The following MFAP3L variants were observed in gnomAD, a reference collection of about 807,000 sequenced individuals.
MFAP3L encodes microfibrillar-associated protein 3-like.
A neutral mutation model predicts 20.0 loss-of-function variants in MFAP3L; 5 were observed. The ratio of observed to expected loss-of-function variants is 0.25; its 90% confidence interval spans 0.13 to 0.53. The LOEUF is 0.53. Among genes scored for constraint, MFAP3L ranks in the 20% least tolerant of loss-of-function variants. The pLI is 0.96. For missense variants in MFAP3L, 409 were observed against 527.5 expected (o/e 0.78, Z 2.20); for synonymous variants, 219 against 213.0 (o/e 1.03, Z -0.25).
At position 169,991,208 on chromosome 4, in the gene MFAP3L, A is replaced by G. The variant is rs1202678540; in HGVS notation, c.*170T>C. On this transcript the variant is annotated 3_prime_UTR_variant, in exon 3 of 3. Transcript: ENST00000361618. This position sits in a 1 kb window ranked among gnomAD's most constrained non-coding sequence, Gnocchi z 4.9. The stretch of plus-strand genomic sequence containing the variant: ...TTCTCGCACCCTTCTCTACTGGGGA[A>G]ATTCCAGTCCCATTCACTGCAGGCA... 7.4e-6 allele frequency: 5 copies of G among 676,266 alleles called. No individual in the cohort carries two copies. The highest frequency in any genetic ancestry group is 1.2e-5 in the Non-Finnish European group (5 of 405,684). 41.9% of individuals were successfully genotyped at this position (676,266 alleles called of 1,614,324 possible).
At chr4:170,016,353 T>A (rs1739700651) in intron 1 of MFAP3L, among the ~76,000 whole-genome samples, 1 of 152,188 alleles carries the variant, frequency 6.6e-6, no homozygotes, top group Non-Finnish European at 1.5e-5. Context: ...CTGCTAATCC[T>A]GAAATGGGTA....
At position 169,988,542 on chromosome 4, in the gene MFAP3L, T is replaced by C. The variant is rs1234198337; in HGVS notation, c.*2836A>G. On this transcript the variant is annotated 3_prime_UTR_variant, in exon 3 of 3. Coordinates refer to ENST00000361618, the MANE Select transcript of MFAP3L (RefSeq NM_021647.8). Reference sequence around the variant, plus strand: ...TGAGTCCAATGTGCACGAGTGTGTATGCACACACGTTCAGTCACACTCGCA... The same window carrying C: ...TGAGTCCAATGTGCACGAGTGTGTACGCACACACGTTCAGTCACACTCGCA... 1 of 152,248 alleles carries C rather than the reference T, an allele frequency of 6.6e-6. No homozygotes were observed. Among genetic ancestry groups the C allele is most frequent in the Non-Finnish European group, 1.5e-5 (1 of 68,048 alleles). The allele number at this position is 152,248 out of a possible 1,614,324, so 9.4% of individuals were successfully genotyped here.
At chr4:170,015,821 G>A (rs1213606782) in intron 1 of MFAP3L, among the ~76,000 whole-genome samples, 2 of 152,176 alleles carry the variant, frequency 1.3e-5, no homozygotes, top group African/African-American at 2.4e-5. Flanking sequence ...TGGACTAAGA[G>A]TGGGTGGTGA....
Position 169,988,371 on chromosome 4 carries a change from T to C in MFAP3L, c.*3007A>G, listed in dbSNP as rs1299796953. The C allele has an allele frequency of 1.3e-5, 2 of 152,212 alleles. No individual in the cohort carries two copies. Among genetic ancestry groups the C allele is most frequent in the Non-Finnish European group, 2.9e-5 (2 of 68,038 alleles). 9.4% of individuals were successfully genotyped at this position (152,212 alleles called of 1,614,324 possible). Reference sequence around the variant, plus strand: ...AGTGAATTAAATGTACACACATATGTGAATCATTTTCAGAATTTCAAGAAA... The same window carrying C: ...AGTGAATTAAATGTACACACATATGCGAATCATTTTCAGAATTTCAAGAAA... On this transcript the variant is annotated 3_prime_UTR_variant, in exon 3 of 3. Transcript: ENST00000361618.
intron 2 of MFAP3L, chr4:170,005,032 T>C (rs745843977): frequency 6.5e-6 from 1 of 154,126 alleles, no homozygotes; most frequent in Non-Finnish European, 1.4e-5. Context: ...CAGTCTCCTG[T>C]TGTCCCACAT....
intron 1 of MFAP3L, among the ~76,000 whole-genome samples, chr4:170,020,378 C>T (rs557189730): frequency 6.6e-6 from 1 of 152,286 alleles, no homozygotes; most frequent in Non-Finnish European, 1.5e-5. Flanking sequence ...TGGGTTTCCC[C>T]TGGGTTATGT....
At chr4:170,025,534 G>A (rs1740296373) in intron 1 of MFAP3L, among the ~76,000 whole-genome samples, 1 of 151,444 alleles carries the variant, frequency 6.6e-6, no homozygotes, top group Admixed American at 6.6e-5. Flanking sequence ...AAGCTTGCAA[G>A]TTTTTTTTTC....
At chr4:169,997,344 A>T (rs1738252134) in intron 2 of MFAP3L, among the ~76,000 whole-genome samples, 3 of 151,996 alleles carry the variant, frequency 2.0e-5, no homozygotes, top group Admixed American at 2.0e-4. Flanking sequence ...CCCTAAATTA[A>T]TTTTTTTCAA....
At chr4:169,996,877 C>T (rs1738214477) in intron 2 of MFAP3L, among the ~76,000 whole-genome samples, 1 of 152,190 alleles carries the variant, frequency 6.6e-6, no homozygotes, top group Non-Finnish European at 1.5e-5. Context: ...CATGCTCCCT[C>T]TCTGCCTGCA....
At position 169,987,722 on chromosome 4, in the gene MFAP3L, T is replaced by A. The variant is rs1183203980; in HGVS notation, c.*3656A>T. The stretch of plus-strand genomic sequence containing the variant: ...TGTCCTTTGTACCTGATTTTCTTCA[T>A]GTGCTAAAGAGCTGAGCAGATCCTA... On this transcript the variant is annotated 3_prime_UTR_variant, in exon 3 of 3. Transcript: ENST00000361618. The A allele has an allele frequency of 6.6e-6, 1 of 152,178 alleles. No homozygotes were observed. Among genetic ancestry groups the A allele is most frequent in the African/African-American group, 2.4e-5 (1 of 41,432 alleles). 9.4% of individuals were successfully genotyped at this position (152,178 alleles called of 1,614,324 possible).
intron 1 of MFAP3L, among the ~76,000 whole-genome samples, chr4:170,024,932 G>T (rs1418956397): frequency 6.6e-6 from 1 of 152,198 alleles, no homozygotes; most frequent in African/African-American, 2.4e-5. Context: ...GTAAACAATT[G>T]TTTTGTAATA....
chr4:170,001,319 G>A (rs1027411104), intron 2 of MFAP3L, among the ~76,000 whole-genome samples: 1 of 152,106 alleles, frequency 6.6e-6, no homozygotes, highest in African/African-American at 2.4e-5. Context: ...TAAACTAGAG[G>A]CAAAATTTAT....
intron 2 of MFAP3L, among the ~76,000 whole-genome samples, chr4:169,998,749 C>CT (rs1402415587): frequency 6.6e-6 from 1 of 152,154 alleles, no homozygotes; most frequent in Non-Finnish European, 1.5e-5. Flanking sequence ...TGTTTAGACA[C>CT]TTTGGCTCTT....
At chr4:170,007,194 T>A (rs561968181) in intron 1 of MFAP3L, among the ~76,000 whole-genome samples, 1 of 152,184 alleles carries the variant, frequency 6.6e-6, no homozygotes, top group South Asian at 2.1e-4. Context: ...TAGATTTCCA[T>A]AAACCCCACT....
chr4:170,001,695 A>C (rs1027463422), intron 2 of MFAP3L, among the ~76,000 whole-genome samples: 5 of 152,222 alleles, frequency 3.3e-5, no homozygotes, highest in African/African-American at 1.2e-4. Flanking sequence ...AGCAAAAGGA[A>C]AACTGAAAAC....
At chr4:170,002,768 A>G (rs1738745825) in intron 2 of MFAP3L, among the ~76,000 whole-genome samples, 1 of 152,032 alleles carries the variant, frequency 6.6e-6, no homozygotes, top group South Asian at 2.1e-4. Context: ...TCGGCCTCCC[A>G]AAGTGCTGGG....
intron 1 of MFAP3L, among the ~76,000 whole-genome samples, chr4:170,022,763 G>A (rs1740115313): frequency 6.6e-6 from 1 of 152,122 alleles, no homozygotes; most frequent in Admixed American, 6.5e-5. Context: ...GAAGACGGAT[G>A]GGGCTACAAA....
At chr4:170,019,325 T>G (rs2466994) in intron 1 of MFAP3L, among the ~76,000 whole-genome samples, 1 of 152,154 alleles carries the variant, frequency 6.6e-6, no homozygotes. Flanking sequence ...AGTCTGGAGA[T>G]AGCTTGAGGC....
chr4:170,004,324 A>T (rs545644434), intron 2 of MFAP3L, among the ~76,000 whole-genome samples: 1 of 152,276 alleles, frequency 6.6e-6, no homozygotes, highest in South Asian at 2.1e-4. Context: ...TGTGAGTTCT[A>T]ATTTAACTTT....
Sources: gnomAD v4.1 joint callset for allele counts (sites outside exome capture counted in the v4.1 genomes callset) on GRCh38, gnomAD v4.1.1 for gene constraint, Gnocchi (gnomAD v3.1) non-coding constraint, MANE v1.5 for transcripts, NCBI Gene and HGNC (gene_info 2026-07-23, HGNC 2026-07-21) for gene names.